Variants in ZNG1A observed in about 807,000 individuals in gnomAD.
ZNG1A encodes Zn regulated GTPase metalloprotein activator 1A.
the ZNG1A span, among the ~76,000 whole-genome samples, chr9:155,767 T>C: frequency 7.9e-5 from 12 of 151,818 alleles, no homozygotes; most frequent in Admixed American, 2.6e-4. Context: ...TTATTTATAT[T>C]TTCTATAATA....
the ZNG1A span, among the ~76,000 whole-genome samples, chr9:157,822 G>C: frequency 2.0e-5 from 3 of 150,016 alleles, no homozygotes; most frequent in Non-Finnish European, 4.5e-5. Context: ...TGATCATTAG[G>C]GGTATCTGAA....
the ZNG1A span, chr9:166,117 T>A: frequency 3.9e-5 from 5 of 128,768 alleles, no homozygotes; most frequent in African/African-American, 1.0e-4. Context: ...CAGGTCACAT[T>A]CTAGGGCTCA....
the ZNG1A span, chr9:147,981 C>T: frequency 7.9e-5 from 12 of 151,424 alleles, no homozygotes; most frequent in African/African-American, 1.7e-4. Flanking sequence ...GCCGAGGTCG[C>T]ACCACCGCAC....
At chr9:159,264 T>C in the ZNG1A span, among the ~76,000 whole-genome samples, 13 of 149,312 alleles carry the variant, frequency 8.7e-5, no homozygotes, top group African/African-American at 3.0e-4. Context: ...CAATTTAACT[T>C]ACCACAAGAA....
the ZNG1A span, among the ~76,000 whole-genome samples, chr9:156,154 C>CATATATATATATATATATATAT: frequency 7.5e-6 from 1 of 134,136 alleles, no homozygotes; most frequent in Non-Finnish European, 1.6e-5. Context: ...TATTATTATA[C>CATATATATATATATATATATAT]ATATATATAT....
At chr9:140,081 C>T in the ZNG1A span, among the ~76,000 whole-genome samples, 4 of 150,572 alleles carry the variant, frequency 2.7e-5, no homozygotes, top group African/African-American at 9.9e-5. Context: ...CAGCGAGGCT[C>T]GGGGAGGGGC....
the ZNG1A span, among the ~76,000 whole-genome samples, chr9:163,487 C>T: frequency 0.045 from 6,665 of 149,030 alleles, 18 homozygotes; most frequent in African/African-American, 0.083. Context: ...AGTTCCACCA[C>T]TGTCTGGGGT....
At chr9:170,423 T>C in the ZNG1A span, among the ~76,000 whole-genome samples, 4 of 150,420 alleles carry the variant, frequency 2.7e-5, no homozygotes, top group Non-Finnish European at 4.4e-5. Context: ...TCTTGCTCTG[T>C]TGCCTGGGCT....
chr9:150,476 A>G, the ZNG1A span: 1 of 972,960 alleles, frequency 1.0e-6, no homozygotes, highest in African/African-American at 1.8e-5. Flanking sequence ...GCCTCAAGGA[A>G]TTTGAGAGAA....
the ZNG1A span, chr9:149,468 T>G: frequency 6.6e-6 from 1 of 152,148 alleles, no homozygotes; most frequent in Non-Finnish European, 1.5e-5. Flanking sequence ...TCTTTAAGAC[T>G]CAGGTCAATG....
the ZNG1A span, chr9:135,144 T>C: frequency 6.7e-7 from 1 of 1,487,644 alleles, no homozygotes. Context: ...TATTCTAATA[T>C]TCTGTAATTG....
the ZNG1A span, among the ~76,000 whole-genome samples, chr9:129,122 G>C: frequency 0.025 from 3,781 of 151,884 alleles, 152 homozygotes; most frequent in African/African-American, 0.088. Flanking sequence ...TCTTAGCTTT[G>C]CTGGTTTAAT....
At chr9:177,414 G>T in the ZNG1A span, among the ~76,000 whole-genome samples, 1 of 151,788 alleles carries the variant, frequency 6.6e-6, no homozygotes, top group Non-Finnish European at 1.5e-5. Flanking sequence ...CAGGATTTGG[G>T]GGGATGGTAA....
the ZNG1A span, chr9:161,718 T>A: frequency 1.4e-6 from 1 of 708,516 alleles, no homozygotes; most frequent in Non-Finnish European, 2.2e-6. Flanking sequence ...TCTTACTAAA[T>A]GCATTTTATA....
chr9:126,346 AT>A, the ZNG1A span, among the ~76,000 whole-genome samples: 1 of 128,480 alleles, frequency 7.8e-6, no homozygotes, highest in Non-Finnish European at 1.6e-5. Flanking sequence ...AGTCCTGGAC[AT>A]TTTTTTGTTG....
At chr9:159,685 C>A in the ZNG1A span, among the ~76,000 whole-genome samples, 5 of 149,110 alleles carry the variant, frequency 3.4e-5, no homozygotes, top group African/African-American at 7.4e-5. Context: ...GAAGCCGGAC[C>A]GAAAAAAGAG....
the ZNG1A span, among the ~76,000 whole-genome samples, chr9:143,701 T>G: frequency 6.5e-5 from 8 of 122,638 alleles, no homozygotes; most frequent in African/African-American, 1.4e-4. Flanking sequence ...CCAGGGCAAT[T>G]AGGCAGGAGA....
chr9:160,282 G>C, the ZNG1A span: 2 of 420,658 alleles, frequency 4.8e-6, no homozygotes, highest in Non-Finnish European at 9.5e-6. Context: ...GTGATGGGCT[G>C]GCTCTGTGAA....
At chr9:178,383 A>T in the ZNG1A span, among the ~76,000 whole-genome samples, 1 of 151,388 alleles carries the variant, frequency 6.6e-6, no homozygotes, top group South Asian at 2.1e-4. Flanking sequence ...TACTGACGAA[A>T]GCCCCACGTG....
Sources: allele counts gnomAD v4.1 joint callset (sites outside exome capture counted in the v4.1 genomes callset), GRCh38; gene constraint gnomAD v4.1.1; transcripts MANE v1.5; gene names NCBI Gene and HGNC (gene_info 2026-07-23, HGNC 2026-07-21).